DCC: variants seen among roughly 807,000 people sequenced by gnomAD.
The protein encoded by DCC is DCC netrin 1 receptor, also known as netrin receptor DCC.
In DCC, 58 loss-of-function variants were observed where a neutral mutation model predicts 172.5. That is an observed-to-expected ratio of 0.34 (90% CI 0.27 to 0.42). DCC has a LOEUF of 0.42. Among genes scored for constraint, DCC ranks in the 10% least tolerant of loss-of-function variants. The probability of loss-of-function intolerance (pLI) is 1.00; values close to 1 mark genes in which losing one functional copy is unlikely to be tolerated. For missense variants in DCC, 1,740 were observed against 1,791.0 expected (o/e 0.97, Z 0.51); for synonymous variants, 709 against 644.5 (o/e 1.10, Z -1.52).
chr18:53,361,387 C>T (rs1029327357), intron 15 of DCC, among the ~76,000 whole-genome samples: 5 of 152,054 alleles, frequency 3.3e-5, no homozygotes, highest in African/African-American at 1.2e-4. Context: ...AATTTCTGAA[C>T]CAGCATTTCC....
intron 27 of DCC, among the ~76,000 whole-genome samples, chr18:53,507,143 C>T (rs1304614197): frequency 6.6e-6 from 1 of 151,392 alleles, no homozygotes; most frequent in African/African-American, 2.5e-5. Context: ...TATTTTGAGA[C>T]TCATGGTATA....
At chr18:53,344,993 T>C (rs1476756373) in intron 15 of DCC, among the ~76,000 whole-genome samples, 1 of 151,654 alleles carries the variant, frequency 6.6e-6, no homozygotes, top group Non-Finnish European at 1.5e-5. Context: ...TCACAGACCA[T>C]ATAATAGTCT....
At chr18:52,867,599 G>T (rs910273696) in intron 2 of DCC, among the ~76,000 whole-genome samples, 1 of 151,804 alleles carries the variant, frequency 6.6e-6, no homozygotes, top group Non-Finnish European at 1.5e-5. Context: ...CTTTTTCCTG[G>T]TTTAGTCTTG....
At chr18:52,406,206 A>C (rs1986645001) in intron 1 of DCC, among the ~76,000 whole-genome samples, 1 of 151,292 alleles carries the variant, frequency 6.6e-6, no homozygotes, top group African/African-American at 2.4e-5. Flanking sequence ...TTAGACCTAA[A>C]ACCATAAAAA....
intron 5 of DCC, among the ~76,000 whole-genome samples, chr18:53,035,450 C>T (rs565394775): frequency 6.6e-6 from 1 of 152,060 alleles, no homozygotes; most frequent in Non-Finnish European, 1.5e-5. Context: ...GCAGTATTAC[C>T]TGGTCAAACT....
chr18:53,492,961 T>A (rs1382753682), intron 26 of DCC, among the ~76,000 whole-genome samples: 2 of 152,352 alleles, frequency 1.3e-5, no homozygotes, highest in East Asian at 3.9e-4. Context: ...GAGCATGGAA[T>A]ATTTTTCCAT....
chr18:53,087,577 C>A (rs1050033241), intron 7 of DCC, among the ~76,000 whole-genome samples: 25 of 152,212 alleles, frequency 1.6e-4, no homozygotes, highest in African/African-American at 5.5e-4. Flanking sequence ...ATGGTAGTTT[C>A]TTTTGCTGTG....
At chr18:53,490,218 A>AT (rs1197307158) in intron 26 of DCC, among the ~76,000 whole-genome samples, 2 of 146,278 alleles carry the variant, frequency 1.4e-5, no homozygotes, top group African/African-American at 5.6e-5. Flanking sequence ...TCTCTAGGGT[A>AT]TTTTAAAAAA....
In DCC at chr18:52,534,263, A is replaced by T. The variant is rs555767775; in HGVS notation, c.91+193385A>T. ...ATAGAGGTTACATAACAACTCTAAG[A>T]TCCAAGACTTGATGGGTAAACTGGA... On this transcript the variant is annotated intron_variant, in intron 1 of 28. Transcript: ENST00000442544. 1.4e-4 allele frequency among the ~76,000 whole-genome samples: 21 copies of T among 152,292 alleles called. No homozygotes were observed. In the East Asian group the frequency reaches 4.0e-3, roughly 29 times the overall value.
intron 9 of DCC, among the ~76,000 whole-genome samples, chr18:53,204,862 A>G (rs1016748221): frequency 1.3e-5 from 2 of 152,182 alleles, no homozygotes; most frequent in African/African-American, 4.8e-5. Context: ...GTTATTAGCC[A>G]TGTGCAGGCA....
intron 1 of DCC, among the ~76,000 whole-genome samples, chr18:52,515,606 C>CAA (rs58112743): frequency 0.035 from 360 of 10,332 alleles, 59 homozygotes; most frequent in African/African-American, 0.074. Context: ...AACCCTGTCT[C>CAA]AAAAAAAAAA....
chr18:52,613,330 A>G (rs2034310109), intron 1 of DCC, among the ~76,000 whole-genome samples: 1 of 152,090 alleles, frequency 6.6e-6, no homozygotes, highest in Admixed American at 6.6e-5. Context: ...AGCTCAGCTC[A>G]CCGCAAGCTC....
chr18:53,162,631 C>T (rs1380548575), intron 8 of DCC, among the ~76,000 whole-genome samples: 3 of 152,170 alleles, frequency 2.0e-5, no homozygotes, highest in Admixed American at 6.5e-5. Flanking sequence ...GATCTTTGCG[C>T]TTGCTCTTCA....
chr18:52,552,492 T>A (rs575806537), intron 1 of DCC, among the ~76,000 whole-genome samples: 1 of 152,004 alleles, frequency 6.6e-6, no homozygotes, highest in East Asian at 1.9e-4. Flanking sequence ...ATTTTTTAAA[T>A]GAAAAAGTTA....
intron 9 of DCC, among the ~76,000 whole-genome samples, chr18:53,204,549 GA>G (rs71175567): frequency 0.065 from 9,129 of 140,100 alleles, 354 homozygotes; most frequent in East Asian, 0.14. Context: ...TCTGTTTCTG[GA>G]AAAAAAAAAA....
intron 1 of DCC, among the ~76,000 whole-genome samples, chr18:52,556,514 C>T (rs1181119153): frequency 1.3e-5 from 2 of 152,084 alleles, no homozygotes. Flanking sequence ...GAACATCCTG[C>T]AGCAAGGAGG....
At chr18:52,934,100 C>T (rs1485434426) in intron 5 of DCC, among the ~76,000 whole-genome samples, 1 of 152,204 alleles carries the variant, frequency 6.6e-6, no homozygotes, top group East Asian at 1.9e-4. Flanking sequence ...ATTCTATGTA[C>T]TTTTTCATAT....
chr18:52,647,185 C>T (rs376576939), intron 1 of DCC, among the ~76,000 whole-genome samples: 5 of 152,150 alleles, frequency 3.3e-5, no homozygotes, highest in African/African-American at 1.2e-4. Context: ...GGGTTGTCAT[C>T]CACGGTAAGG....
At chr18:53,251,277 G>A (rs1325139950) in intron 12 of DCC, among the ~76,000 whole-genome samples, 1 of 151,904 alleles carries the variant, frequency 6.6e-6, no homozygotes, top group African/African-American at 2.4e-5. Context: ...ATCCTGGCAA[G>A]GTAACATTTT....
Sources: gnomAD v4.1 joint callset for allele counts (sites outside exome capture counted in the v4.1 genomes callset) on GRCh38, gnomAD v4.1.1 for gene constraint, MANE v1.5 for transcripts, NCBI Gene and HGNC (gene_info 2026-07-23, HGNC 2026-07-21) for gene names.